Variants in SLC36A1 observed in about 807,000 individuals in gnomAD.
SLC36A1 encodes the protein proton-coupled amino acid transporter 1.
SLC36A1 carries 30 observed loss-of-function variants against 47.5 expected under a neutral mutation model. The ratio of observed to expected loss-of-function variants is 0.63; its 90% confidence interval spans 0.47 to 0.86. SLC36A1 has a LOEUF of 0.86. Among genes scored for constraint, SLC36A1 ranks in the 40% least tolerant of loss-of-function variants. The pLI, the probability that SLC36A1 is intolerant of heterozygous loss-of-function variation, is 0.00. For synonymous variants in SLC36A1, 255 were observed against 249.7 expected (o/e 1.02, Z -0.20); for missense variants, 517 against 606.0 (o/e 0.85, Z 1.54).
chr5:151,520,853 T>C, the SLC36A1 span, among the ~76,000 whole-genome samples: 1 of 152,218 alleles, frequency 6.6e-6, no homozygotes, highest in African/African-American at 2.4e-5. Flanking sequence ...GACCACTTTC[T>C]ATATGTCAGG....
At chr5:151,367,374 T>TTCCC in the SLC36A1 span, among the ~76,000 whole-genome samples, 215 of 145,530 alleles carry the variant, frequency 1.5e-3, 2 homozygotes, top group Middle Eastern at 6.8e-3. Flanking sequence ...TTTTTTTTTT[T>TTCCC]CCCCAGGGTA....
the SLC36A1 span, among the ~76,000 whole-genome samples, chr5:151,419,520 C>T: frequency 6.6e-6 from 1 of 152,210 alleles, no homozygotes; most frequent in Non-Finnish European, 1.5e-5. Context: ...TAATTTGCCC[C>T]CAGAAGCTGC....
At chr5:151,446,281 C>G (rs970287798), upstream of SLC36A1, among the ~76,000 whole-genome samples, 1 of 152,200 alleles carries the variant, frequency 6.6e-6, no homozygotes, top group Non-Finnish European at 1.5e-5. Flanking sequence ...CCTATAATCT[C>G]AGCACTTTGG....
At chr5:151,542,361 G>A in the SLC36A1 span, 24 of 1,613,910 alleles carry the variant, frequency 1.5e-5, no homozygotes, top group Admixed American at 3.3e-5. Flanking sequence ...CCACCAGTTC[G>A]CCAGGCTCAC....
the SLC36A1 span, among the ~76,000 whole-genome samples, chr5:151,423,191 T>C: frequency 6.6e-6 from 1 of 152,210 alleles, no homozygotes; most frequent in African/African-American, 2.4e-5. Context: ...GGTTCGGGAA[T>C]GCAAAATGGT....
At chr5:151,350,103 C>T in the SLC36A1 span, among the ~76,000 whole-genome samples, 1 of 150,246 alleles carries the variant, frequency 6.7e-6, no homozygotes, top group African/African-American at 2.5e-5. Context: ...GATGAAAATT[C>T]ATCACCCTAT....
chr5:151,375,359 C>T, the SLC36A1 span, among the ~76,000 whole-genome samples: 1 of 152,228 alleles, frequency 6.6e-6, no homozygotes, highest in East Asian at 1.9e-4. Flanking sequence ...TGTCAAAAAT[C>T]ATTTGGCTAT....
At chr5:151,395,807 T>TTTA in the SLC36A1 span, among the ~76,000 whole-genome samples, 1 of 152,016 alleles carries the variant, frequency 6.6e-6, no homozygotes, top group Non-Finnish European at 1.5e-5. Flanking sequence ...TTCTTTCTTA[T>TTTA]TTATTATTAT....
chr5:151,400,096 C>T, the SLC36A1 span, among the ~76,000 whole-genome samples: 17 of 152,046 alleles, frequency 1.1e-4, no homozygotes, highest in Admixed American at 2.0e-4. Flanking sequence ...AGGGTATGAA[C>T]GATCCCATAA....
the SLC36A1 span, among the ~76,000 whole-genome samples, chr5:151,508,629 G>A: frequency 1.3e-5 from 2 of 151,760 alleles, no homozygotes; most frequent in Admixed American, 6.6e-5. Context: ...GGAATGGCTT[G>A]AACCTAGGAG....
the SLC36A1 span, chr5:151,506,027 G>A: frequency 5.1e-6 from 8 of 1,571,030 alleles, no homozygotes; most frequent in East Asian, 2.2e-5. Context: ...GAGTCACTTC[G>A]GAGTGGGGGT....
chr5:151,463,462 GAAATA>G (rs1440116660), intron 2 of SLC36A1, 86 bp from the exon 3 acceptor site: 1 of 954,500 alleles, frequency 1.0e-6, no homozygotes, highest in Admixed American at 1.8e-5. Flanking sequence ...GGTTGTTGTG[GAAATA>G]AAATAAGATA....
chr5:151,441,009 C>T (rs189602073), intron 1 of SLC36A1, among the ~76,000 whole-genome samples: 3 of 152,320 alleles, frequency 2.0e-5, no homozygotes, highest in Admixed American at 2.0e-4. Context: ...ATGCAGATTG[C>T]TGTGCCCCCA....
At chr5:151,507,465 T>G in the SLC36A1 span, 1 of 1,614,068 alleles carries the variant, frequency 6.2e-7, no homozygotes, top group African/African-American at 1.3e-5. Context: ...ACGGCGGCAG[T>G]AGAAGAGAAG....
the SLC36A1 span, among the ~76,000 whole-genome samples, chr5:151,351,145 A>G: frequency 6.3e-3 from 954 of 152,220 alleles, 16 homozygotes; most frequent in African/African-American, 0.022. Flanking sequence ...AACCATTTTT[A>G]TGATATCATT....
At chr5:151,553,106 G>A in the SLC36A1 span, 2 of 1,472,976 alleles carry the variant, frequency 1.4e-6, no homozygotes, top group East Asian at 2.3e-5. Context: ...AAGGACTGTA[G>A]CAGGAAAACT....
Position 151,465,084 on chromosome 5 carries a change from T to A in SLC36A1, c.334T>A (p.Ser112Thr). 6.2e-7 allele frequency: 1 copy of A among 1,613,842 alleles called. No individual in the cohort carries two copies. The highest frequency in any genetic ancestry group is 8.5e-7 in the Non-Finnish European group (1 of 1,179,746). ...AHHFCRRLNK[S>T]FVDYGDTVMY... Reference sequence around the variant, plus strand: ...CTCCTACTCTTCCAGGCTGAATAAATCCTTTGTGGATTATGGTGATACTGT... The same window carrying A: ...CTCCTACTCTTCCAGGCTGAATAAAACCTTTGTGGATTATGGTGATACTGT... Residue 112 changes from serine (S) to threonine (T), a missense_variant, in exon 5 of 11, where the codon TCC (serine) becomes ACC (threonine). Ser to Thr is a moderately conservative substitution (Grantham distance 58). Coordinates refer to ENST00000243389, the MANE Select transcript of SLC36A1 (RefSeq NM_078483.4).
intron 7 of SLC36A1, among the ~76,000 whole-genome samples, chr5:151,470,402 T>C (rs1022029193): frequency 4.6e-4 from 70 of 152,214 alleles, no homozygotes; most frequent in African/African-American, 1.5e-3. Flanking sequence ...ACTGGTAGTA[T>C]CCATCCAGAG....
chr5:151,451,701 A>G (rs7710891), intron 1 of SLC36A1, among the ~76,000 whole-genome samples: 14,546 of 152,164 alleles, frequency 0.096, 2,277 homozygotes, highest in African/African-American at 0.33. Context: ...TATTAATGAC[A>G]TCTTTCAGAT....
Sources: allele counts gnomAD v4.1 joint callset (sites outside exome capture counted in the v4.1 genomes callset), GRCh38; gene constraint gnomAD v4.1.1; transcripts MANE v1.5; gene names NCBI Gene and HGNC (gene_info 2026-07-23, HGNC 2026-07-21).